Variants in ZBTB49 observed in about 807,000 individuals in gnomAD.
The protein encoded by ZBTB49 is zinc finger and BTB domain-containing protein 49.
A neutral mutation model predicts 57.5 loss-of-function variants in ZBTB49; 43 were observed. The observed-to-expected ratio is 0.75, with a 90% CI of 0.59 to 0.97. The LOEUF is 0.97. Among genes scored for constraint, ZBTB49 ranks in the 50% least tolerant of loss-of-function variants. The pLI is 0.00. For missense variants in ZBTB49, 938 were observed against 947.7 expected (o/e 0.99, Z 0.13); for synonymous variants, 369 against 362.1 (o/e 1.02, Z -0.22).
At chr4:4,317,771 G>A (rs775608683) in intron 7 of ZBTB49, among the ~76,000 whole-genome samples, 11 of 152,034 alleles carry the variant, frequency 7.2e-5, no homozygotes, top group Non-Finnish European at 1.3e-4. Flanking sequence ...TGTCTTATGC[G>A]TGCTGGGCTT....
Position 4,315,857 on chromosome 4 carries a change from C to G in ZBTB49, c.1508C>G (p.Ala503Gly), listed in dbSNP as rs775395290. The G allele has an allele frequency of 3.7e-6, 6 of 1,614,240 alleles. No individual in the cohort carries two copies. The highest frequency in any genetic ancestry group is 5.1e-6 in the Non-Finnish European group (6 of 1,180,038). The change falls in exon 7 of 8, where the codon GCT (alanine) becomes GGT (glycine). Residue 503 changes from alanine (A) to glycine (G), a missense_variant. Coordinates refer to ENST00000337872, the MANE Select transcript of ZBTB49 (RefSeq NM_145291.4). ...NLKEHKKTHT[A>G]DKVFTCDECG... ...AAGGAGCACAAAAAGACACACACGG[C>G]TGATAAAGTCTTCACCTGTGATGAG...
chr4:4,318,894 C>CTTTTT (rs113390733), intron 7 of ZBTB49, among the ~76,000 whole-genome samples: 1 of 130,946 alleles, frequency 7.6e-6, no homozygotes, highest in African/African-American at 2.9e-5. Context: ...TTTTTTTAAT[C>CTTTTT]TTTTTTTTTT....
chr4:4,315,282 G>A (rs1721137598), intron 5 of ZBTB49, among the ~76,000 whole-genome samples: 1 of 152,194 alleles, frequency 6.6e-6, no homozygotes, highest in Admixed American at 6.5e-5. Context: ...GGTGGAAGGG[G>A]CATTTGGCTC....
chr4:4,303,748 C>CTG (rs1436213894), intron 3 of ZBTB49, among the ~76,000 whole-genome samples: 1,295 of 50,384 alleles, frequency 0.026, 32 homozygotes, highest in African/African-American at 0.069. Flanking sequence ...CTCTCTCTCT[C>CTG]TCTCTCTCTC....
chr4:4,310,319 G>A (rs1030430125), intron 4 of ZBTB49, among the ~76,000 whole-genome samples: 6 of 152,128 alleles, frequency 3.9e-5, no homozygotes, highest in African/African-American at 1.4e-4. Flanking sequence ...AGTGAATTCA[G>A]TCCCCATTTT....
At position 4,307,228 on chromosome 4, in the gene ZBTB49, A is replaced by G. The variant is rs182336523; in HGVS notation, c.1302+1044A>G. ...ACTTCATTTCTCTGGGCCTGGGGCC[A>G]TGTCTTCTCTCCCATCCAGGAGAAC... On this transcript the variant is annotated intron_variant, in intron 4 of 7. Transcript: ENST00000337872. 4.6e-3 allele frequency among the ~76,000 whole-genome samples: 699 copies of G among 152,144 alleles called. 3 individuals carry two copies. The highest frequency in any genetic ancestry group is 0.016 in the African/African-American group (674 of 41,518).
intron 4 of ZBTB49, among the ~76,000 whole-genome samples, chr4:4,308,494 G>A (rs755776287): frequency 3.3e-5 from 5 of 152,194 alleles, no homozygotes; most frequent in Admixed American, 6.5e-5. Flanking sequence ...AGCCCTGCCC[G>A]ATCCAGAAAC....
chr4:4,301,916 T>C, intron 2 of ZBTB49, 73 bp from the exon 3 acceptor site: 3 of 1,337,934 alleles, frequency 2.2e-6, no homozygotes, highest in Non-Finnish European at 2.9e-6. Context: ...AATATTAATA[T>C]ATGAATGTTA....
chr4:4,307,054 T>G (rs1720765658), intron 4 of ZBTB49, among the ~76,000 whole-genome samples: 1 of 152,252 alleles, frequency 6.6e-6, no homozygotes, highest in African/African-American at 2.4e-5. Flanking sequence ...CTTCATCTGT[T>G]GAGGGTGTCA....
chr4:4,302,533 C>A lies in ZBTB49; in HGVS notation c.697C>A (p.Gln233Lys). 1 of 1,613,938 alleles carries A rather than the reference C, an allele frequency of 6.2e-7. No homozygotes were observed. The highest frequency in any genetic ancestry group is 1.1e-5 in the South Asian group (1 of 91,028). ...CCATAAACACGCAGCTGGTCCCAGT[C>A]AGGAGAGAGTTGTTGAGCAGCCTTT... is the stretch of plus-strand genomic sequence containing the variant. ...QYHKHAAGPS[Q>K]ERVVEQPFAF... is the part of the protein sequence containing the mutation. Residue 233 changes from glutamine (Q) to lysine (K), a missense_variant, in exon 3 of 8, where the codon CAG (glutamine) becomes AAG (lysine). By Grantham distance (53) the Gln-to-Lys change is moderately conservative. Coordinates refer to ENST00000337872, the MANE Select transcript of ZBTB49 (RefSeq NM_145291.4).
intron 4 of ZBTB49, among the ~76,000 whole-genome samples, chr4:4,312,328 A>G (rs941378181): frequency 2.6e-5 from 4 of 152,204 alleles, no homozygotes; most frequent in African/African-American, 9.6e-5. Flanking sequence ...TTGCAGTTTT[A>G]ATTTCGCTGT....
chr4:4,311,505 TTG>T (rs1720979249), intron 4 of ZBTB49, among the ~76,000 whole-genome samples: 2 of 152,242 alleles, frequency 1.3e-5, no homozygotes, highest in Non-Finnish European at 2.9e-5. Flanking sequence ...TCATAGAAAC[TTG>T]TGTTTCCTCA....
At chr4:4,304,244 G>A (rs76867001) in intron 3 of ZBTB49, among the ~76,000 whole-genome samples, 1 of 97,988 alleles carries the variant, frequency 1.0e-5, no homozygotes, top group Non-Finnish European at 2.0e-5. Context: ...TTTTTTTTTT[G>A]AGACAGAGTT....
At chr4:4,316,470 A>G (rs1463609996) in intron 7 of ZBTB49, among the ~76,000 whole-genome samples, 1 of 152,230 alleles carries the variant, frequency 6.6e-6, no homozygotes, top group African/African-American at 2.4e-5. Flanking sequence ...CGATGAGGAC[A>G]CGGAGGCTCA....
chr4:4,309,698 C>T (rs1162259779), intron 4 of ZBTB49, among the ~76,000 whole-genome samples: 1 of 152,184 alleles, frequency 6.6e-6, no homozygotes, highest in Non-Finnish European at 1.5e-5. Context: ...GAGGCATTTC[C>T]AGGGTGCTGA....
In ZBTB49 at chr4:4,320,894, A is replaced by T. The variant is rs1341301252; in HGVS notation, c.1876A>T (p.Met626Leu). The T allele has an allele frequency of 6.2e-7, 1 of 1,614,218 alleles. No individual in the cohort carries two copies. The highest frequency in any genetic ancestry group is 8.5e-7 in the Non-Finnish European group (1 of 1,180,036). The change falls in exon 8 of 8, where the codon ATG (methionine) becomes TTG (leucine). Residue 626 changes from methionine (M) to leucine (L), a missense_variant. Physicochemically the swap from Met to Leu is conservative, Grantham distance 15. Transcript: ENST00000337872. ...SFSQDTSVTL[M>L]PVSVKLPVHP... Reference sequence around the variant, plus strand: ...CTCCCAAGACACGTCTGTGACGCTGATGCCAGTGTCGGTTAAACTCCCTGT... The same window carrying T: ...CTCCCAAGACACGTCTGTGACGCTGTTGCCAGTGTCGGTTAAACTCCCTGT...
Position 4,299,691 on chromosome 4 carries a change from G to GT in ZBTB49, c.-19-235dup, listed in dbSNP as rs1391635979. Reference sequence around the variant, plus strand: ...TGACCATGTGTGGCCAGTGGCTACTGTATTGAGCAGTGCAGATAGAGAGCA... The same window carrying GT: ...TGACCATGTGTGGCCAGTGGCTACTGTTATTGAGCAGTGCAGATAGAGAGCA... On this transcript the variant is annotated intron_variant, in intron 1 of 7. Transcript: ENST00000337872. Among the ~76,000 whole-genome samples the GT allele has an allele frequency of 2.0e-5, 3 of 152,078 alleles. No individual in the cohort carries two copies. In the East Asian group the frequency reaches 5.8e-4, roughly 29 times the overall value.
intron 1 of ZBTB49, among the ~76,000 whole-genome samples, chr4:4,297,124 G>A (rs1175223027): frequency 6.6e-6 from 1 of 152,172 alleles, no homozygotes; most frequent in South Asian, 2.1e-4. Context: ...AGGCTAGAGT[G>A]CAATGGCGCG....
rs71169632 is a variant in ZBTB49, at chr4:4,299,810, T to TGTGTGTGTGTGTGTGTGTGTGA, written c.-19-116_-19-115insTGTGTGTGTGTGTGTGTGTGAG. 1.5e-5 allele frequency: 9 copies of TGTGTGTGTGTGTGTGTGTGTGA among 607,792 alleles called. No homozygotes were observed. The East Asian group carries it at 3.8e-4, about 26-fold the overall frequency. 37.6% of individuals were successfully genotyped at this position (607,792 alleles called of 1,614,324 possible). A position where few individuals can be genotyped will look rare whatever the true frequency, so the allele number is the denominator to read the frequency against. ...GTGTGTGTGTGTGTGTGTGTGTGTGTGAGAGAGAAACTGTGATGAGAGAGT... is the reference window on the plus strand; with the variant it reads ...GTGTGTGTGTGTGTGTGTGTGTGTGTGTGTGTGTGTGTGTGTGTGTGAGAGAGAGAAACTGTGATGAGAGAGT... On this transcript the variant is annotated intron_variant, in intron 1 of 7. Transcript: ENST00000337872.
Sources: allele counts gnomAD v4.1 joint callset (sites outside exome capture counted in the v4.1 genomes callset), GRCh38; gene constraint gnomAD v4.1.1; transcripts MANE v1.5; gene names NCBI Gene and HGNC (gene_info 2026-07-23, HGNC 2026-07-21).